AGBL4: variants seen among roughly 807,000 people sequenced by gnomAD.
AGBL4 encodes AGBL carboxypeptidase 4.
In AGBL4, 58 loss-of-function variants were observed where a neutral mutation model predicts 66.4. That is an observed-to-expected ratio of 0.87 (90% CI 0.71 to 1.09). The LOEUF (loss-of-function observed/expected upper bound fraction) is 1.09. Ranked by LOEUF, AGBL4 falls within the 50% of genes least tolerant of loss-of-function variation. AGBL4 has a pLI of 0.00. For missense variants in AGBL4, 579 were observed against 631.0 expected (o/e 0.92, Z 0.88); for synonymous variants, 234 against 222.9 (o/e 1.05, Z -0.44).
chr1:49,078,454 A>G (rs1188356817), intron 4 of AGBL4, among the ~76,000 whole-genome samples: 1 of 152,160 alleles, frequency 6.6e-6, no homozygotes, highest in Admixed American at 6.5e-5. Context: ...CTTCAGTGGT[A>G]CTAACCAGTC....
At chr1:48,988,153 A>C (rs1660318489) in intron 5 of AGBL4, among the ~76,000 whole-genome samples, 1 of 152,128 alleles carries the variant, frequency 6.6e-6, no homozygotes. Context: ...CTTAAAATGG[A>C]ACCTACCTCT....
intron 9 of AGBL4, among the ~76,000 whole-genome samples, chr1:48,592,467 G>T (rs11577747): frequency 0.017 from 2,635 of 152,302 alleles, 30 homozygotes; most frequent in Middle Eastern, 0.068. Flanking sequence ...TCTCTGGGTA[G>T]CAAAAGCTGT....
intron 11 of AGBL4, among the ~76,000 whole-genome samples, chr1:48,544,367 A>G (rs964386522): frequency 6.6e-6 from 1 of 152,220 alleles, no homozygotes; most frequent in African/African-American, 2.4e-5. Context: ...CTGAGGTAAA[A>G]GATTGCAGCA....
At chr1:49,320,378 A>AT (rs1217303200) in intron 3 of AGBL4, among the ~76,000 whole-genome samples, 2 of 152,238 alleles carry the variant, frequency 1.3e-5, no homozygotes, top group East Asian at 3.8e-4. Flanking sequence ...GGGTTTTACT[A>AT]TTAAGGAAGC....
chr1:49,439,395 T>C (rs1395081327), intron 3 of AGBL4, among the ~76,000 whole-genome samples: 1 of 152,236 alleles, frequency 6.6e-6, no homozygotes, highest in Non-Finnish European at 1.5e-5. Context: ...ATCTGAGCTG[T>C]GAAAACTTAG....
At chr1:49,790,254 C>T (rs1396199314) in intron 2 of AGBL4, among the ~76,000 whole-genome samples, 1 of 151,590 alleles carries the variant, frequency 6.6e-6, no homozygotes, top group East Asian at 1.9e-4. Context: ...GTGTCAACTA[C>T]TCGGGAGGCT....
At chr1:48,942,562 G>C (rs1436444352) in intron 5 of AGBL4, among the ~76,000 whole-genome samples, 2 of 152,148 alleles carry the variant, frequency 1.3e-5, no homozygotes, top group Non-Finnish European at 2.9e-5. Flanking sequence ...AAAAATGTCA[G>C]CTCTACTCCC....
At chr1:49,811,632 T>A (rs1204712087) in intron 2 of AGBL4, among the ~76,000 whole-genome samples, 1 of 152,078 alleles carries the variant, frequency 6.6e-6, no homozygotes. Flanking sequence ...TATTAAAAAT[T>A]TTTTTAGAGA....
chr1:49,168,712 G>T (rs1646678407), intron 4 of AGBL4, among the ~76,000 whole-genome samples: 1 of 152,174 alleles, frequency 6.6e-6, no homozygotes, highest in African/African-American at 2.4e-5. Flanking sequence ...TGTTGCTGAG[G>T]TACAATAACT....
At chr1:49,743,940 A>G (rs1292902489) in intron 2 of AGBL4, among the ~76,000 whole-genome samples, 3 of 150,742 alleles carry the variant, frequency 2.0e-5, no homozygotes, top group African/African-American at 7.3e-5. Context: ...GCATTAGGAG[A>G]TATACCTAAT....
intron 6 of AGBL4, among the ~76,000 whole-genome samples, chr1:48,775,322 C>T (rs372017834): frequency 2.6e-5 from 4 of 152,166 alleles, no homozygotes; most frequent in Non-Finnish European, 4.4e-5. Context: ...TCAGAGGCAA[C>T]ATGAGTTGTG....
At chr1:49,565,404 G>T (rs912127257) in intron 3 of AGBL4, among the ~76,000 whole-genome samples, 1 of 152,116 alleles carries the variant, frequency 6.6e-6, no homozygotes, top group Non-Finnish European at 1.5e-5. Context: ...AGCCTTGATG[G>T]TCTTTACAAT....
chr1:49,659,955 A>G (rs1646234760), intron 3 of AGBL4, among the ~76,000 whole-genome samples: 1 of 152,182 alleles, frequency 6.6e-6, no homozygotes, highest in African/African-American at 2.4e-5. Flanking sequence ...TTAACTCAAG[A>G]CGGATAAAAG....
intron 1 of AGBL4, among the ~76,000 whole-genome samples, chr1:49,857,785 C>A (rs1015283892): frequency 3.3e-5 from 5 of 151,790 alleles, no homozygotes; most frequent in Non-Finnish European, 7.4e-5. Context: ...AGAAGAAACA[C>A]TTCAGTAGAT....
rs574679582 is a variant in AGBL4 at position 50,006,688 on chromosome 1, G to A, written c.34+17075C>T. On this transcript the variant is annotated intron_variant, in intron 1 of 13. Transcript: ENST00000371839. Reference sequence around the variant, plus strand: ...GTAGAAGGGAAAAAAAAAAACAAAAGAACAAAAAAACTTTACCCTAGAATA... The same window carrying A: ...GTAGAAGGGAAAAAAAAAAACAAAAAAACAAAAAAACTTTACCCTAGAATA... Among the ~76,000 whole-genome samples, 54 of 149,108 alleles carry A rather than the reference G, an allele frequency of 3.6e-4. 1 individual carries two copies. In the South Asian group the frequency reaches 9.8e-3, roughly 27 times the overall value.
At chr1:49,198,493 A>G (rs1004293847) in intron 4 of AGBL4, among the ~76,000 whole-genome samples, 1 of 152,022 alleles carries the variant, frequency 6.6e-6, no homozygotes, top group African/African-American at 2.4e-5. Context: ...GGTGCACACC[A>G]CCATGCCTGG....
intron 2 of AGBL4, among the ~76,000 whole-genome samples, chr1:49,809,313 C>G (rs1312808476): frequency 6.9e-6 from 1 of 145,130 alleles, no homozygotes; most frequent in Non-Finnish European, 1.5e-5. Flanking sequence ...CCCCTCCCCC[C>G]ACGACAGGCC....
intron 6 of AGBL4, among the ~76,000 whole-genome samples, chr1:48,756,089 G>A (rs751127773): frequency 6.6e-6 from 1 of 152,296 alleles, no homozygotes; most frequent in Non-Finnish European, 1.5e-5. Context: ...TTAACAGAAT[G>A]TCAGGCACTA....
chr1:49,574,087 C>T (rs914342356), intron 3 of AGBL4, among the ~76,000 whole-genome samples: 2 of 152,146 alleles, frequency 1.3e-5, no homozygotes, highest in Admixed American at 1.3e-4. Flanking sequence ...GCTTCTAGAC[C>T]TATAACTAAA....
Sources: allele counts gnomAD v4.1 joint callset (sites outside exome capture counted in the v4.1 genomes callset), GRCh38; gene constraint gnomAD v4.1.1; transcripts MANE v1.5; gene names NCBI Gene and HGNC (gene_info 2026-07-23, HGNC 2026-07-21).